MYO7B: variants seen among roughly 807,000 people sequenced by gnomAD.
MYO7B encodes unconventional myosin-VIIb.
MYO7B carries 212 observed loss-of-function variants against 259.7 expected under a neutral mutation model. The ratio of observed to expected loss-of-function variants is 0.82; its 90% CI spans 0.73 to 0.91. MYO7B has a LOEUF of 0.91. MYO7B is among the 40% of genes least tolerant of loss of function. The pLI is 0.00. For synonymous variants in MYO7B, 1,197 were observed against 1,166.4 expected, an observed-to-expected ratio of 1.03 and a Z score of -0.54; for missense variants, 2,732 against 2,813.5, an observed-to-expected ratio of 0.97 and a Z score of 0.66.
chr2:127,604,824 A>G (rs940610950), intron 19 of MYO7B, among the ~76,000 whole-genome samples: 7 of 152,202 alleles, frequency 4.6e-5, no homozygotes, highest in Admixed American at 1.3e-4. Context: ...TAAGTTTCCC[A>G]TCTTATATGG....
chr2:127,626,684 CAGA>C (rs1681137735), intron 31 of MYO7B: 1 of 297,312 alleles, frequency 3.4e-6, no homozygotes, highest in Non-Finnish European at 6.4e-6. Flanking sequence ...GAGGCTGAGG[CAGA>C]AGAATCGCTT....
rs541178575 is a variant in MYO7B at position 127,613,310 on chromosome 2, C to T, written c.3398+707C>T. Reference sequence around the variant, plus strand: ...CTTTAGATTGGATAGTTTCTATTGACCTGTCTTCAAATTTACTGATCTTTT... The same window carrying T: ...CTTTAGATTGGATAGTTTCTATTGATCTGTCTTCAAATTTACTGATCTTTT... On this transcript the variant is annotated intron_variant, in intron 26 of 47. Coordinates refer to ENST00000409816, the MANE Select transcript of MYO7B (RefSeq NM_001393586.1). This position sits in a 1 kb window ranked among gnomAD's most constrained non-coding sequence, Gnocchi z 4.3. Among the ~76,000 whole-genome samples, 1 of 152,026 alleles carries T rather than the reference C, an allele frequency of 6.6e-6. No homozygotes were observed. Among genetic ancestry groups the T allele is most frequent in the East Asian group, 1.9e-4 (1 of 5,206 alleles).
rs540760005 is a variant in MYO7B at position 127,539,205 on chromosome 2, A to G, written c.-24+3374A>G. Among the ~76,000 whole-genome samples the G allele has an allele frequency of 6.6e-6, 1 of 152,360 alleles. No homozygotes were observed. The highest frequency in any genetic ancestry group is 6.5e-5 in the Admixed American group (1 of 15,304). On this transcript the variant is annotated intron_variant, in intron 1 of 47. Coordinates refer to ENST00000409816, the MANE Select transcript of MYO7B (RefSeq NM_001393586.1). The surrounding 1 kb of genome is among the most constrained non-coding windows in gnomAD (Gnocchi z 4.0). ...AGAGTGATATGAGGCAGCTTACAGTATACCTATAATACAACAGAATCAAAA... is the reference window on the plus strand; with the variant it reads ...AGAGTGATATGAGGCAGCTTACAGTGTACCTATAATACAACAGAATCAAAA...
chr2:127,609,828 C>T lies in MYO7B; in HGVS notation c.3025-21C>T. 6.2e-7 allele frequency: 1 copy of T among 1,613,398 alleles called. No homozygotes were observed. Among genetic ancestry groups the T allele is most frequent in the Non-Finnish European group, 8.5e-7 (1 of 1,179,514 alleles). On this transcript the variant is annotated intron_variant, in intron 23 of 47. Coordinates refer to ENST00000409816, the MANE Select transcript of MYO7B (RefSeq NM_001393586.1). The surrounding 1 kb of genome is among the most constrained non-coding windows in gnomAD (Gnocchi z 6.9). The stretch of plus-strand genomic sequence containing the variant: ...TAGTCACTGATGGGTTCCCACTGGG[C>T]CTTCTGTCTTGTTTCCCCAGGCCGC...
chr2:127,575,925 C>T (rs1678849132), intron 7 of MYO7B, among the ~76,000 whole-genome samples: 1 of 152,216 alleles, frequency 6.6e-6, no homozygotes, highest in African/African-American at 2.4e-5. Context: ...CATCTTTTAA[C>T]ACTACTGCAT....
In MYO7B at chr2:127,584,506, C is replaced by T; in HGVS notation, c.1554+174C>T. On this transcript the variant is annotated intron_variant, in intron 13 of 47. Coordinates refer to ENST00000409816, the MANE Select transcript of MYO7B (RefSeq NM_001393586.1). This position sits in a 1 kb window ranked among gnomAD's most constrained non-coding sequence, Gnocchi z 5.8. ...GACAGACCCTCCTCTCCAAGGCCCA[C>T]TTCTCTGACTGCTGGGGTCCTCAGA... Among the ~76,000 whole-genome samples the T allele has an allele frequency of 6.6e-6, 1 of 152,172 alleles. No individual in the cohort carries two copies. Among genetic ancestry groups the T allele is most frequent in the East Asian group, 1.9e-4 (1 of 5,182 alleles).
intron 2 of MYO7B, among the ~76,000 whole-genome samples, chr2:127,562,357 C>T (rs756265053): frequency 3.3e-5 from 5 of 152,004 alleles, no homozygotes; most frequent in Admixed American, 6.6e-5. Flanking sequence ...AGTGCAGTGG[C>T]ACGATCACAA....
rs1679528324 is a variant in MYO7B at position 127,590,790 on chromosome 2, C to T, written c.1992+561C>T. ...CCCAGAGGCCGCATATGCAGGGATT[C>T]CCCAAACTAGGAGACATCAGCTGAA... On this transcript the variant is annotated intron_variant, in intron 16 of 47. Coordinates refer to ENST00000409816, the MANE Select transcript of MYO7B (RefSeq NM_001393586.1). The surrounding 1 kb of genome is among the most constrained non-coding windows in gnomAD (Gnocchi z 4.6). Among the ~76,000 whole-genome samples, 1 of 152,188 alleles carries T rather than the reference C, an allele frequency of 6.6e-6. No individual in the cohort carries two copies. The highest frequency in any genetic ancestry group is 6.5e-5 in the Admixed American group (1 of 15,284).
At chr2:127,618,579 A>G (rs762552552) in intron 26 of MYO7B, among the ~76,000 whole-genome samples, 2 of 152,198 alleles carry the variant, frequency 1.3e-5, no homozygotes, top group Non-Finnish European at 2.9e-5. Context: ...GTTTGCCAAC[A>G]TTCTGCTTTT....
In MYO7B at chr2:127,580,924, C is replaced by T. The variant is rs1243786935; in HGVS notation, c.1080+102C>T. 4 of 1,180,202 alleles carry T rather than the reference C, an allele frequency of 3.4e-6. No homozygotes were observed. In the East Asian group the frequency reaches 1.0e-4, roughly 30 times the overall value. 73.1% of individuals were successfully genotyped at this position (1,180,202 alleles called of 1,614,324 possible). A position where few individuals can be genotyped will look rare whatever the true frequency, so the allele number is the denominator to read the frequency against. The stretch of plus-strand genomic sequence containing the variant: ...ATTCTTATAACCCTACCCAGGCCCC[C>T]ACCCCTTTCCCAGGGCCTATGCTCA... On this transcript the variant is annotated intron_variant, in intron 10 of 47. Coordinates refer to ENST00000409816, the MANE Select transcript of MYO7B (RefSeq NM_001393586.1).
intron 44 of MYO7B, 41 bp downstream of exon 44, chr2:127,635,948 C>T: frequency 6.5e-7 from 1 of 1,538,756 alleles, no homozygotes; most frequent in South Asian, 1.2e-5. Context: ...TGCTGCTGCT[C>T]CTCCCTGGGC....
In MYO7B at chr2:127,634,655, G is replaced by A; in HGVS notation, c.5685G>A (p.Trp1895Ter). The change falls in exon 42 of 48, where the codon TGG becomes TGA. Residue 1895 changes from tryptophan to a stop codon, truncating the protein, a stop_gained. Coordinates refer to ENST00000409816, the MANE Select transcript of MYO7B (RefSeq NM_001393586.1). LOFTEE classifies it high-confidence loss of function. ...FFDSLREVSDWVKKNKPQKEG... is the reference protein window; with the variant it reads ...FFDSLREVSD ...ATTCCTTGAGGGAGGTGTCTGACTG[G>A]GTGAAGAAGAACAAGCCCCAGAAAG... 6.2e-7 allele frequency: 1 copy of A among 1,611,588 alleles called. No individual in the cohort carries two copies.
Position 127,634,245 on chromosome 2 carries a change from GCCT to G in MYO7B, c.5585_5587del (p.Ser1862del). On this transcript the variant is annotated inframe_deletion, in exon 41 of 48. Transcript: ENST00000409816. ...CAGCATTGCCACCAGGCTGCAGCTGGCCTCCTGGGAGGGCTGCAGCCTCTTCAT... is the reference window on the plus strand; with the variant it reads ...CAGCATTGCCACCAGGCTGCAGCTGGCCTGGGAGGGCTGCAGCCTCTTCAT... 1 of 1,596,266 alleles carries G rather than the reference GCCT, an allele frequency of 6.3e-7. No homozygotes were observed. The highest frequency in any genetic ancestry group is 8.5e-7 in the Non-Finnish European group (1 of 1,174,806).
At chr2:127,556,567 T>C (rs1192568576) in intron 1 of MYO7B, among the ~76,000 whole-genome samples, 1 of 152,228 alleles carries the variant, frequency 6.6e-6, no homozygotes, top group Non-Finnish European at 1.5e-5. Context: ...TTAGCAGTTC[T>C]TGCAGTGCTG....
chr2:127,632,530 C>A (rs1169985578), intron 39 of MYO7B, 129 bp downstream of exon 39: 3 of 1,258,570 alleles, frequency 2.4e-6, no homozygotes, highest in East Asian at 5.4e-5. Flanking sequence ...GTCAGCTTGG[C>A]AGGCAGGATT....
chr2:127,566,936 C>A (rs113585804), intron 5 of MYO7B, 109 bp downstream of exon 5: 2 of 1,152,268 alleles, frequency 1.7e-6, no homozygotes, highest in African/African-American at 3.1e-5. Context: ...CCATGGCACA[C>A]ACCCATCTCC....
chr2:127,569,927 G>A lies in MYO7B; in HGVS notation c.592+17G>A, dbSNP rs539620539. On this transcript the variant is annotated intron_variant, in intron 6 of 47. Transcript: ENST00000409816. Reference sequence around the variant, plus strand: ...TCCTGGAGGGTAAGCATCACTCTGGGACCCGCCCTTCTCCCCCAGCCCCCC... The same window carrying A: ...TCCTGGAGGGTAAGCATCACTCTGGAACCCGCCCTTCTCCCCCAGCCCCCC... The A allele has an allele frequency of 5.6e-6, 9 of 1,603,660 alleles. No individual in the cohort carries two copies. The highest frequency in any genetic ancestry group is 1.3e-5 in the African/African-American group (1 of 74,700).
At chr2:127,583,965 G>C (rs1289120553) in intron 12 of MYO7B, among the ~76,000 whole-genome samples, 157 bp from the exon 13 acceptor site, 1 of 151,946 alleles carries the variant, frequency 6.6e-6, no homozygotes, top group Non-Finnish European at 1.5e-5. Context: ...GAGTGTGCAG[G>C]AATGAGTGTG....
At chr2:127,587,568 C>CTTTTTTTTT (rs61624532) in intron 14 of MYO7B, among the ~76,000 whole-genome samples, 2 of 122,428 alleles carry the variant, frequency 1.6e-5, no homozygotes, top group African/African-American at 3.0e-5. Context: ...TTCTTTCTTT[C>CTTTTTTTTT]TTTTTTTTTT....
Sources: allele counts gnomAD v4.1 joint callset (sites outside exome capture counted in the v4.1 genomes callset), GRCh38; gene constraint gnomAD v4.1.1; non-coding constraint Gnocchi (gnomAD v3.1); transcripts MANE v1.5; gene names NCBI Gene and HGNC (gene_info 2026-07-23, HGNC 2026-07-21).